Variants in TRIM37 observed in about 807,000 individuals in gnomAD.
The protein encoded by TRIM37 is E3 ubiquitin-protein ligase TRIM37.
In TRIM37, 80 loss-of-function variants were observed where a neutral mutation model predicts 129.8. The ratio of observed to expected loss-of-function variants is 0.62; its 90% CI spans 0.51 to 0.74. The LOEUF (loss-of-function observed/expected upper bound fraction) is 0.74. Ranked by LOEUF, TRIM37 falls within the 30% of genes least tolerant of loss-of-function variation. TRIM37 has a pLI of 0.00. For missense variants in TRIM37, 1,054 were observed against 1,176.5 expected (o/e 0.90, Z 1.52); for synonymous variants, 389 against 387.1 (o/e 1.00, Z -0.06).
At chr17:58,971,984 T>C in the TRIM37 span, 7 of 747,600 alleles carry the variant, frequency 9.4e-6, no homozygotes, top group Non-Finnish European at 1.5e-5. Context: ...TACAAATGCA[T>C]TGAGACAATG....
At chr17:59,033,595 T>C (rs894550813) in intron 17 of TRIM37, among the ~76,000 whole-genome samples, 32 of 151,872 alleles carry the variant, frequency 2.1e-4, no homozygotes, top group African/African-American at 7.7e-4. Context: ...CACACCTGTA[T>C]TTTCAGTAGA....
At chr17:59,061,852 C>T (rs868575534) in intron 11 of TRIM37, among the ~76,000 whole-genome samples, 1 of 151,952 alleles carries the variant, frequency 6.6e-6, no homozygotes, top group African/African-American at 2.4e-5. Context: ...GGTACAAGTA[C>T]TATTAACCCC....
At chr17:59,089,274 C>G (rs1016444552) in intron 3 of TRIM37, among the ~76,000 whole-genome samples, 1 of 151,700 alleles carries the variant, frequency 6.6e-6, no homozygotes, top group African/African-American at 2.4e-5. Flanking sequence ...CAAAACAAAA[C>G]ACAAATCCAC....
At chr17:59,054,036 A>G (rs1206393572) in intron 13 of TRIM37, among the ~76,000 whole-genome samples, 1 of 152,232 alleles carries the variant, frequency 6.6e-6, no homozygotes, top group African/African-American at 2.4e-5. Flanking sequence ...CGGAAAACAC[A>G]TAAGAGTAAA....
Position 59,064,181 on chromosome 17 carries a change from G to A in TRIM37, c.860+174C>T. On this transcript the variant is annotated intron_variant, in intron 10 of 23. Coordinates refer to ENST00000262294, the MANE Select transcript of TRIM37 (RefSeq NM_015294.6). Reference sequence around the variant, plus strand: ...AGACTAGAGAAGCAGTCAGTCTAAAGATACAATATAATCCAGCACAAATTA... The same window carrying A: ...AGACTAGAGAAGCAGTCAGTCTAAAAATACAATATAATCCAGCACAAATTA... The A allele has an allele frequency of 4.9e-6, 3 of 610,542 alleles. 1 individual carries two copies. Among genetic ancestry groups the A allele is most frequent in the South Asian group, 4.5e-5 (2 of 44,342 alleles). The allele number at this position is 610,542 out of a possible 1,614,324, so 37.8% of individuals were successfully genotyped here.
intron 10 of TRIM37, chr17:59,064,058 G>A (rs1223166467): frequency 1.2e-5 from 3 of 259,014 alleles, no homozygotes; most frequent in Admixed American, 5.1e-5. Context: ...AGCCCAGGAG[G>A]TTGAGGCTGC....
the TRIM37 span, among the ~76,000 whole-genome samples, chr17:58,971,945 G>GTA: frequency 1.3e-5 from 2 of 152,300 alleles, no homozygotes; most frequent in Admixed American, 6.5e-5. Context: ...ACTTATGTGT[G>GTA]TATATACACA....
intron 4 of TRIM37, among the ~76,000 whole-genome samples, chr17:59,085,009 C>T (rs2043625230): frequency 1.3e-5 from 2 of 152,140 alleles, no homozygotes; most frequent in Admixed American, 6.5e-5. Flanking sequence ...TACAGACCCT[C>T]ACTTTATACC....
At chr17:59,089,809 A>C (rs1195711666) in intron 3 of TRIM37, among the ~76,000 whole-genome samples, 1 of 152,192 alleles carries the variant, frequency 6.6e-6, no homozygotes, top group Non-Finnish European at 1.5e-5. Flanking sequence ...AGATAATGTA[A>C]GAAAGGTGGG....
In TRIM37 at chr17:59,028,824, G is replaced by A. The variant is rs150147132; in HGVS notation, c.1949-101C>T. 5.1e-3 allele frequency: 6,068 copies of A among 1,194,172 alleles called. 375 individuals carry two copies. In the Admixed American group the frequency reaches 0.11, roughly 21 times the overall value. 74.0% of individuals were successfully genotyped at this position (1,194,172 alleles called of 1,614,324 possible). A position where few individuals can be genotyped will look rare whatever the true frequency, so the allele number is the denominator to read the frequency against. ...AATTTGATGTGTAAAATAAGCTAGC[G>A]TGCTTTACGTGGTATCAACAATAAA... On this transcript the variant is annotated intron_variant, in intron 18 of 23. Coordinates refer to ENST00000262294, the MANE Select transcript of TRIM37 (RefSeq NM_015294.6).
At chr17:59,083,938 G>A in intron 5 of TRIM37, 64 bp downstream of exon 5, 2 of 1,298,938 alleles carry the variant, frequency 1.5e-6, no homozygotes, top group Non-Finnish European at 2.2e-6. Context: ...TTTTCTATCT[G>A]AATAAGTATT....
intron 24 of TRIM37, among the ~76,000 whole-genome samples, chr17:58,987,355 G>A (rs1054854929): frequency 1.3e-4 from 20 of 152,190 alleles, no homozygotes; most frequent in Admixed American, 4.6e-4. Flanking sequence ...AGTGGGAGGT[G>A]AGCCTATGCA....
chr17:59,064,057 G>C (rs375143268), intron 10 of TRIM37: 218 of 257,712 alleles, frequency 8.5e-4, no homozygotes, highest in Admixed American at 1.8e-3. Flanking sequence ...CAGCCCAGGA[G>C]GTTGAGGCTG....
intron 19 of TRIM37, among the ~76,000 whole-genome samples, chr17:59,026,786 G>C (rs2037297571): frequency 6.6e-6 from 1 of 152,164 alleles, no homozygotes; most frequent in African/African-American, 2.4e-5. Context: ...CATGGGAATA[G>C]TTCTTAAAAA....
intron 24 of TRIM37, among the ~76,000 whole-genome samples, chr17:58,987,911 G>A (rs1047482866): frequency 4.6e-5 from 7 of 152,162 alleles, no homozygotes; most frequent in African/African-American, 1.7e-4. Flanking sequence ...AGCACTTCCA[G>A]CTTCCACTCC....
chr17:58,982,132 G>A (rs772413547), downstream of TRIM37: 2 of 152,620 alleles, frequency 1.3e-5, no homozygotes, highest in Non-Finnish European at 2.9e-5. Context: ...GCAGATTACT[G>A]ACAGCCAGGT....
At chr17:59,026,093 G>T (rs2037220597) in intron 19 of TRIM37, among the ~76,000 whole-genome samples, 1 of 151,922 alleles carries the variant, frequency 6.6e-6, no homozygotes, top group Non-Finnish European at 1.5e-5. Flanking sequence ...CACACACAAA[G>T]AGAACCCAGA....
chr17:59,076,960 GTA>G (rs2042861707), intron 7 of TRIM37, among the ~76,000 whole-genome samples: 2 of 151,900 alleles, frequency 1.3e-5, no homozygotes, highest in Admixed American at 6.6e-5. Flanking sequence ...GGTTAATTTT[GTA>G]TTTTTAGTAG....
chr17:59,087,815 T>C (rs2043907571), intron 4 of TRIM37, among the ~76,000 whole-genome samples: 3 of 152,176 alleles, frequency 2.0e-5, no homozygotes, highest in African/African-American at 7.2e-5. Context: ...ATGTTGTAGC[T>C]TCTTCATCTA....
Sources: allele counts gnomAD v4.1 joint callset (sites outside exome capture counted in the v4.1 genomes callset), GRCh38; gene constraint gnomAD v4.1.1; transcripts MANE v1.5; gene names NCBI Gene and HGNC (gene_info 2026-07-23, HGNC 2026-07-21).